CDH18: variants seen among roughly 807,000 people sequenced by gnomAD.
CDH18 encodes the protein cadherin 18.
CDH18 carries 31 observed loss-of-function variants against 67.9 expected under a neutral mutation model. The observed-to-expected ratio is 0.46, with a 90% CI of 0.34 to 0.62. The LOEUF is 0.62. Among genes scored for constraint, CDH18 ranks in the 20% least tolerant of loss-of-function variants. The pLI is 0.01. For missense variants in CDH18, 890 were observed against 975.5 expected, an observed-to-expected ratio of 0.91 and a Z score of 1.17; for synonymous variants, 362 against 347.2, an observed-to-expected ratio of 1.04 and a Z score of -0.48.
chr5:20,263,025 A>G, intron 1 of CDH18, among the ~76,000 whole-genome samples: 1 of 133,366 alleles, frequency 7.5e-6, no homozygotes, highest in African/African-American at 2.8e-5. Flanking sequence ...AGGGAAGGGG[A>G]AGAAGGGACA....
intron 2 of CDH18, among the ~76,000 whole-genome samples, chr5:19,906,844 C>T (rs1790593977): frequency 6.6e-6 from 1 of 151,950 alleles, no homozygotes; most frequent in South Asian, 2.1e-4. Flanking sequence ...AATCAAGACA[C>T]AACTATCACC....
chr5:20,545,824 G>A (rs1032189357), intron 1 of CDH18, among the ~76,000 whole-genome samples: 1 of 152,192 alleles, frequency 6.6e-6, no homozygotes, highest in Admixed American at 6.5e-5. Context: ...GGGCTGGCGT[G>A]AATAATTCCA....
intron 2 of CDH18, among the ~76,000 whole-genome samples, chr5:20,071,326 G>C (rs1457574544): frequency 6.6e-6 from 1 of 151,944 alleles, no homozygotes; most frequent in Non-Finnish European, 1.5e-5. Context: ...GGGTGTTTGA[G>C]AGTGCTAAAC....
intron 9 of CDH18, among the ~76,000 whole-genome samples, 194 bp from the exon 10 acceptor site, chr5:19,520,972 T>C (rs1453201860): frequency 6.6e-6 from 1 of 152,124 alleles, no homozygotes; most frequent in African/African-American, 2.4e-5. Flanking sequence ...ATGAACACCA[T>C]GGCATGACAT....
At chr5:19,930,388 A>C (rs1793553831) in intron 2 of CDH18, among the ~76,000 whole-genome samples, 1 of 152,086 alleles carries the variant, frequency 6.6e-6, no homozygotes, top group Admixed American at 6.6e-5. Flanking sequence ...CTAAAGAAAA[A>C]GGTGAAAAGA....
At chr5:19,738,571 T>G (rs1468442531) in intron 4 of CDH18, among the ~76,000 whole-genome samples, 1 of 152,204 alleles carries the variant, frequency 6.6e-6, no homozygotes, top group South Asian at 2.1e-4. Context: ...ATGTACCAAT[T>G]AAATCTGTAT....
intron 1 of CDH18, among the ~76,000 whole-genome samples, chr5:20,295,863 CTTTTTTTTCT>C (rs1207012218): frequency 9.3e-6 from 1 of 107,472 alleles, no homozygotes; most frequent in East Asian, 2.8e-4. Context: ...TATTTTCTTT[CTTTTTTTTCT>C]TTTTTTTTTT....
At chr5:19,483,857 C>A (rs889907160) in intron 11 of CDH18, among the ~76,000 whole-genome samples, 6 of 152,142 alleles carry the variant, frequency 3.9e-5, no homozygotes, top group African/African-American at 1.4e-4. Context: ...GGGATGCGGA[C>A]GGCCTGAAGT....
At chr5:20,171,369 C>G (rs1736694060) in intron 2 of CDH18, among the ~76,000 whole-genome samples, 2 of 152,016 alleles carry the variant, frequency 1.3e-5, no homozygotes, top group Admixed American at 1.3e-4. Context: ...TGCAACCTAG[C>G]CAGCATCTAT....
chr5:20,556,102 CT>C (rs1293238666), intron 1 of CDH18, among the ~76,000 whole-genome samples: 3 of 152,168 alleles, frequency 2.0e-5, no homozygotes. Context: ...GTTTTTTCCA[CT>C]GTCAATTGTT....
At chr5:19,755,066 C>T (rs1211255543) in intron 3 of CDH18, among the ~76,000 whole-genome samples, 1 of 151,466 alleles carries the variant, frequency 6.6e-6, no homozygotes, top group East Asian at 2.0e-4. Flanking sequence ...ACTGAAAGAG[C>T]ACAAACTGAC....
chr5:19,666,646 G>C (rs1442684549), intron 5 of CDH18, among the ~76,000 whole-genome samples: 1 of 152,048 alleles, frequency 6.6e-6, no homozygotes, highest in East Asian at 1.9e-4. Context: ...ACAGCACTAT[G>C]TCTATCCTTC....
At chr5:20,187,073 A>G (rs1738160020) in intron 2 of CDH18, among the ~76,000 whole-genome samples, 1 of 151,926 alleles carries the variant, frequency 6.6e-6, no homozygotes, top group Non-Finnish European at 1.5e-5. Context: ...TTTAATTATA[A>G]GGAACTTAAA....
intron 2 of CDH18, among the ~76,000 whole-genome samples, chr5:19,950,295 C>A (rs976908341): frequency 2.6e-5 from 4 of 152,036 alleles, no homozygotes; most frequent in Middle Eastern, 6.8e-3. Flanking sequence ...TCGTTATGTT[C>A]GCACTTATAA....
chr5:20,016,640 A>C (rs1482574614), intron 2 of CDH18, among the ~76,000 whole-genome samples: 1 of 152,210 alleles, frequency 6.6e-6, no homozygotes, highest in Non-Finnish European at 1.5e-5. Context: ...GGCAGAAGTC[A>C]TGAAAGTATG....
intron 10 of CDH18, among the ~76,000 whole-genome samples, chr5:19,503,372 A>T (rs749503052): frequency 6.6e-6 from 1 of 151,580 alleles, no homozygotes; most frequent in Non-Finnish European, 1.5e-5. Context: ...TTTTTTTCTT[A>T]ATCAGCCATG....
intron 2 of CDH18, among the ~76,000 whole-genome samples, chr5:20,051,519 A>G (rs1287096493): frequency 1.3e-5 from 2 of 151,996 alleles, no homozygotes; most frequent in Non-Finnish European, 2.9e-5. Flanking sequence ...TCATGGGTTC[A>G]TTATACTATT....
chr5:20,552,114 A>G (rs754262254), intron 1 of CDH18, among the ~76,000 whole-genome samples: 4 of 152,174 alleles, frequency 2.6e-5, no homozygotes, highest in Non-Finnish European at 5.9e-5. Context: ...TTTGCTAGCA[A>G]AATGTGAAAA....
chr5:20,526,642 G>T (rs925989577), intron 1 of CDH18, among the ~76,000 whole-genome samples: 1 of 152,038 alleles, frequency 6.6e-6, no homozygotes, highest in African/African-American at 2.4e-5. Flanking sequence ...CCAGCAAACT[G>T]CAGCAGACCT....
Sources: gnomAD v4.1 joint callset for allele counts (sites outside exome capture counted in the v4.1 genomes callset) on GRCh38, gnomAD v4.1.1 for gene constraint, MANE v1.5 for transcripts, NCBI Gene and HGNC (gene_info 2026-07-23, HGNC 2026-07-21) for gene names.